GRIN2B: variants seen among roughly 807,000 people sequenced by gnomAD.
GRIN2B encodes the protein glutamate receptor ionotropic, NMDA 2B.
Under a neutral mutation model 114.5 loss-of-function variants are expected in GRIN2B, and 5 were observed. The ratio of observed to expected loss-of-function variants is 0.04; its 90% CI spans 0.02 to 0.09. GRIN2B has a LOEUF of 0.09. Ranked by LOEUF, GRIN2B falls within the 10% of genes least tolerant of loss-of-function variation. The pLI, the probability that GRIN2B is intolerant of heterozygous loss-of-function variation, is 1.00. For synonymous variants in GRIN2B, 787 were observed against 745.1 expected (o/e 1.06, Z -0.92); for missense variants, 1,108 against 1,943.5 (o/e 0.57, Z 8.08).
At chr12:13,751,075 G>T (rs1470905049) in intron 4 of GRIN2B, among the ~76,000 whole-genome samples, 8 of 152,168 alleles carry the variant, frequency 5.3e-5, no homozygotes, top group African/African-American at 1.9e-4. Flanking sequence ...GTGGGAAGGG[G>T]CACGCTGGAG....
intron 2 of GRIN2B, among the ~76,000 whole-genome samples, chr12:13,888,436 T>TA (rs3082841): frequency 0.81 from 118,882 of 145,876 alleles, 48,847 homozygotes; most frequent in Non-Finnish European, 0.89. Context: ...GCATAAAAGA[T>TA]AAAAAAAAAA....
At position 13,539,303 on chromosome 12, in the gene GRIN2B, T is replaced by C. The variant is rs769173482; in HGVS notation, c.*23480A>G. On this transcript the variant is annotated 3_prime_UTR_variant, in exon 14 of 14. Coordinates refer to ENST00000609686, the MANE Select transcript of GRIN2B (RefSeq NM_000834.5). ...TGAGACAGAGTTCTTCTAAATGGTC[T>C]CTAGAAGGTCCTTTCCAGTACTAGG... 1 of 152,238 alleles carries C rather than the reference T, an allele frequency of 6.6e-6. No individual in the cohort carries two copies. Among genetic ancestry groups the C allele is most frequent in the African/African-American group, 2.4e-5 (1 of 41,462 alleles). 9.4% of individuals were successfully genotyped at this position (152,238 alleles called of 1,614,324 possible). A position where few individuals can be genotyped will look rare whatever the true frequency, so the allele number is the denominator to read the frequency against.
intron 4 of GRIN2B, among the ~76,000 whole-genome samples, chr12:13,681,679 TTTC>T (rs1256861934): frequency 1.2e-4 from 19 of 152,284 alleles, no homozygotes; most frequent in African/African-American, 4.3e-4. Context: ...CTACATTTCT[TTTC>T]TTCTTTTTTA....
chr12:13,817,306 T>C (rs1243861812), intron 3 of GRIN2B, among the ~76,000 whole-genome samples: 1 of 150,534 alleles, frequency 6.6e-6, no homozygotes, highest in Non-Finnish European at 1.5e-5. Context: ...CAGCATGTAC[T>C]CTAGCTGGGC....
At position 13,548,841 on chromosome 12, in the gene GRIN2B, C is replaced by T. The variant is rs1009521668; in HGVS notation, c.*13942G>A. ...CATGCATGGGAATAAAAGCTACCTC[C>T]TCCATTTCCTCCGATCATCTGAAAC... is the stretch of plus-strand genomic sequence containing the variant. On this transcript the variant is annotated 3_prime_UTR_variant, in exon 14 of 14. Transcript: ENST00000609686. The T allele has an allele frequency of 2.0e-5, 3 of 152,112 alleles. No homozygotes were observed. The highest frequency in any genetic ancestry group is 7.2e-5 in the African/African-American group (3 of 41,390). 9.4% of individuals were successfully genotyped at this position (152,112 alleles called of 1,614,324 possible).
chr12:13,723,138 T>C (rs1862909452), intron 4 of GRIN2B, among the ~76,000 whole-genome samples: 1 of 150,140 alleles, frequency 6.7e-6, no homozygotes, highest in African/African-American at 2.4e-5. Context: ...ACACCTTTTT[T>C]TTTTGTTTTT....
chr12:13,825,496 T>TTTTTTGTGTG (rs375940899), intron 3 of GRIN2B, among the ~76,000 whole-genome samples: 7 of 122,994 alleles, frequency 5.7e-5, no homozygotes, highest in South Asian at 2.6e-4. Flanking sequence ...TATATATATT[T>TTTTTTGTGTG]TGTGTGTGTG....
intron 2 of GRIN2B, among the ~76,000 whole-genome samples, chr12:13,966,546 G>A (rs752470919): frequency 3.9e-5 from 6 of 152,024 alleles, no homozygotes; most frequent in South Asian, 4.2e-4. Flanking sequence ...ATGGCACCTC[G>A]TGGCCAGATT....
At chr12:13,797,487 C>T (rs895372138) in intron 3 of GRIN2B, among the ~76,000 whole-genome samples, 15 of 152,220 alleles carry the variant, frequency 9.9e-5, no homozygotes, top group African/African-American at 3.6e-4. Context: ...TTCTGTTTCA[C>T]TCACATCAGA....
At chr12:13,578,732 AAAG>A (rs2136423946) in intron 10 of GRIN2B, among the ~76,000 whole-genome samples, 1 of 152,372 alleles carries the variant, frequency 6.6e-6, no homozygotes, top group African/African-American at 2.4e-5. Context: ...AAATAGTGAA[AAAG>A]AAGTGCTAGG....
chr12:13,589,779 T>C (rs2136438799), intron 10 of GRIN2B, among the ~76,000 whole-genome samples: 1 of 152,278 alleles, frequency 6.6e-6, no homozygotes, highest in Admixed American at 6.5e-5. Flanking sequence ...CTATGTGGTA[T>C]AGAGGTTGGA....
At chr12:13,718,097 T>C (rs1482283067) in intron 4 of GRIN2B, among the ~76,000 whole-genome samples, 1 of 152,052 alleles carries the variant, frequency 6.6e-6, no homozygotes, top group Non-Finnish European at 1.5e-5. Context: ...GACATGATTA[T>C]GTTTGACATG....
chr12:13,975,408 T>A (rs1200336956), intron 2 of GRIN2B, among the ~76,000 whole-genome samples: 1 of 152,252 alleles, frequency 6.6e-6, no homozygotes, highest in Non-Finnish European at 1.5e-5. Flanking sequence ...CATTTCACTC[T>A]AATCAATGGC....
chr12:13,875,126 C>T (rs1053121880), intron 2 of GRIN2B, among the ~76,000 whole-genome samples: 6 of 152,120 alleles, frequency 3.9e-5, no homozygotes, highest in African/African-American at 1.4e-4. Context: ...TTCATGTATC[C>T]ACGTGTTCTC....
chr12:13,825,494 T>TATATATATA (rs71448874), intron 3 of GRIN2B, among the ~76,000 whole-genome samples: 1 of 44,828 alleles, frequency 2.2e-5, no homozygotes, highest in South Asian at 6.9e-4. Flanking sequence ...TATATATATA[T>TATATATATA]TTTGTGTGTG....
intron 10 of GRIN2B, among the ~76,000 whole-genome samples, chr12:13,593,452 T>G (rs1472262704): frequency 6.6e-6 from 1 of 152,194 alleles, no homozygotes; most frequent in African/African-American, 2.4e-5. Flanking sequence ...GGGAAAGGAT[T>G]CCCTATTTAA....
intron 10 of GRIN2B, among the ~76,000 whole-genome samples, chr12:13,579,732 G>A (rs1266903826): frequency 6.6e-6 from 1 of 152,182 alleles, no homozygotes; most frequent in Non-Finnish European, 1.5e-5. Flanking sequence ...AGCTGAAGAG[G>A]CCCTGAGCTC....
rs940874872 is a variant in GRIN2B at position 13,549,356 on chromosome 12, G to A, written c.*13427C>T. ...TGGCAGGCAGTAATTATTTATTATC[G>A]GTCTGGGGGCTATAGGTTCTTTCTT... On this transcript the variant is annotated 3_prime_UTR_variant, in exon 14 of 14. Coordinates refer to ENST00000609686, the MANE Select transcript of GRIN2B (RefSeq NM_000834.5). 4 of 152,078 alleles carry A rather than the reference G, an allele frequency of 2.6e-5. No homozygotes were observed. The highest frequency in any genetic ancestry group is 2.1e-4 in the South Asian group (1 of 4,810). The allele number at this position is 152,078 out of a possible 1,614,324, so 9.4% of individuals were successfully genotyped here.
Position 13,551,396 on chromosome 12 carries a change from C to G in GRIN2B, c.*11387G>C, listed in dbSNP as rs1194654295. The G allele has an allele frequency of 6.6e-6, 1 of 152,132 alleles. No homozygotes were observed. The highest frequency in any genetic ancestry group is 2.4e-5 in the African/African-American group (1 of 41,412). 9.4% of individuals were successfully genotyped at this position (152,132 alleles called of 1,614,324 possible). ...AGTCCATCAACAGGACCTTAGAAGG[C>G]CACATGGATTCCATAGGGTAAAATG... On this transcript the variant is annotated 3_prime_UTR_variant, in exon 14 of 14. Coordinates refer to ENST00000609686, the MANE Select transcript of GRIN2B (RefSeq NM_000834.5).
Sources: allele counts gnomAD v4.1 joint callset (sites outside exome capture counted in the v4.1 genomes callset), GRCh38; gene constraint gnomAD v4.1.1; transcripts MANE v1.5; gene names NCBI Gene and HGNC (gene_info 2026-07-23, HGNC 2026-07-21).